ASTN2: variants seen among roughly 807,000 people sequenced by gnomAD.
ASTN2 encodes astrotactin-2.
A neutral mutation model predicts 139.8 loss-of-function variants in ASTN2; 54 were observed. The ratio of observed to expected loss-of-function variants is 0.39; its 90% CI spans 0.31 to 0.48. ASTN2 has a LOEUF of 0.48. Ranked by LOEUF, ASTN2 falls within the 20% of genes least tolerant of loss-of-function variation. The pLI is 0.95. For missense variants in ASTN2, 1,565 were observed against 1,725.1 expected (o/e 0.91, Z 1.64); for synonymous variants, 756 against 719.5 (o/e 1.05, Z -0.81).
chr9:116,562,175 T>A (rs780891193), intron 19 of ASTN2: 1 of 152,216 alleles, frequency 6.6e-6, no homozygotes, highest in Non-Finnish European at 1.5e-5. Context: ...AGAAAAAGCA[T>A]CATAGTCAAG....
intron 19 of ASTN2, among the ~76,000 whole-genome samples, chr9:116,578,185 G>T (rs1853800158): frequency 6.6e-6 from 1 of 152,088 alleles, no homozygotes; most frequent in Non-Finnish European, 1.5e-5. Flanking sequence ...ATGAGGACAG[G>T]GGCTCAGGCT....
intron 4 of ASTN2, among the ~76,000 whole-genome samples, chr9:117,109,209 G>C (rs893379972): frequency 7.9e-5 from 12 of 152,018 alleles, no homozygotes; most frequent in Non-Finnish European, 1.8e-4. Context: ...TTGAACCTGG[G>C]AGGCAGAGGT....
At chr9:116,916,702 T>C (rs1834457952) in intron 10 of ASTN2, among the ~76,000 whole-genome samples, 1 of 152,140 alleles carries the variant, frequency 6.6e-6, no homozygotes, top group Non-Finnish European at 1.5e-5. Context: ...TAACTAGGTG[T>C]GGTGGTGTGT....
intron 19 of ASTN2, among the ~76,000 whole-genome samples, chr9:116,557,359 T>G (rs996245550): frequency 6.6e-6 from 1 of 152,096 alleles, no homozygotes; most frequent in Non-Finnish European, 1.5e-5. Context: ...TTTTTCTATA[T>G]CTCAGTCTCT....
At chr9:116,446,255 G>GGAGAGAGAGAGATAGAGA (rs1847986218) in intron 20 of ASTN2, among the ~76,000 whole-genome samples, 2 of 114,022 alleles carry the variant, frequency 1.8e-5, no homozygotes, top group South Asian at 6.9e-4. Context: ...GAGGGGAGAG[G>GGAGAGAGAGAGATAGAGA]GAGAGAGAGA....
chr9:117,140,626 G>A (rs1171011302), intron 4 of ASTN2, among the ~76,000 whole-genome samples: 2 of 151,462 alleles, frequency 1.3e-5, no homozygotes, highest in East Asian at 3.9e-4. Flanking sequence ...AGAGGAGGAG[G>A]AGGAAGAGGA....
chr9:117,109,487 A>G (rs1294318645), intron 4 of ASTN2, among the ~76,000 whole-genome samples: 1 of 152,092 alleles, frequency 6.6e-6, no homozygotes, highest in African/African-American at 2.4e-5. Flanking sequence ...TAGCCCCTGG[A>G]AGTAATTTGA....
At chr9:116,832,550 G>T (rs549970714) in intron 11 of ASTN2, among the ~76,000 whole-genome samples, 77 of 149,658 alleles carry the variant, frequency 5.1e-4, no homozygotes, top group Non-Finnish European at 8.8e-4. Flanking sequence ...TTTTTTTTTT[G>T]AAAGTTTTAA....
chr9:116,639,442 CTTT>C (rs569843401), intron 17 of ASTN2, among the ~76,000 whole-genome samples: 4 of 151,650 alleles, frequency 2.6e-5, no homozygotes, highest in African/African-American at 9.7e-5. Flanking sequence ...TCTGGAATGA[CTTT>C]TTTTTTCTTC....
chr9:116,433,176 C>G (rs777450713), intron 22 of ASTN2, among the ~76,000 whole-genome samples: 7 of 152,112 alleles, frequency 4.6e-5, no homozygotes, highest in Admixed American at 1.3e-4. Context: ...TGTAAGAAAT[C>G]TAGTTGGTTT....
At chr9:116,642,600 G>C (rs1049774953) in intron 17 of ASTN2, among the ~76,000 whole-genome samples, 6 of 152,082 alleles carry the variant, frequency 3.9e-5, no homozygotes, top group Admixed American at 1.3e-4. Context: ...TTTGAGTCAA[G>C]AATATGGATC....
chr9:117,207,213 T>C (rs1831956376), intron 3 of ASTN2, among the ~76,000 whole-genome samples: 1 of 151,924 alleles, frequency 6.6e-6, no homozygotes, highest in South Asian at 2.1e-4. Flanking sequence ...TGGGCAGATA[T>C]GCCCACAGGT....
chr9:116,962,133 C>A (rs1835891275), intron 10 of ASTN2, among the ~76,000 whole-genome samples: 1 of 152,232 alleles, frequency 6.6e-6, no homozygotes, highest in Non-Finnish European at 1.5e-5. Context: ...GTTGCTTCTT[C>A]TTCACTACTC....
At chr9:117,236,864 C>T (rs1375960262) in intron 2 of ASTN2, among the ~76,000 whole-genome samples, 1 of 152,312 alleles carries the variant, frequency 6.6e-6, no homozygotes, top group East Asian at 1.9e-4. Flanking sequence ...TAGCGTCTAA[C>T]ACCTAGTAAA....
intron 3 of ASTN2, among the ~76,000 whole-genome samples, chr9:117,196,043 G>C (rs891282769): frequency 5.3e-5 from 8 of 152,100 alleles, no homozygotes; most frequent in Admixed American, 4.6e-4. Flanking sequence ...AGAGCTCATT[G>C]CCGTCCCAAG....
chr9:116,478,932 C>T (rs1849078634), intron 20 of ASTN2, among the ~76,000 whole-genome samples: 1 of 131,078 alleles, frequency 7.6e-6, no homozygotes, highest in Non-Finnish European at 1.5e-5. Flanking sequence ...GCAGAGGTTG[C>T]AGTGAGCTGA....
At chr9:117,186,329 G>A (rs1055345369) in intron 3 of ASTN2, among the ~76,000 whole-genome samples, 3 of 152,070 alleles carry the variant, frequency 2.0e-5, no homozygotes, top group Non-Finnish European at 4.4e-5. Context: ...GGCAGATCAC[G>A]AGGTCAGGAG....
At chr9:117,332,506 C>A (rs551184233) in intron 1 of ASTN2, among the ~76,000 whole-genome samples, 2 of 152,278 alleles carry the variant, frequency 1.3e-5, no homozygotes, top group Admixed American at 6.5e-5. Flanking sequence ...GCAGAGTTTG[C>A]AGTGAACCAA....
At chr9:116,587,601 A>G (rs1211816412) in intron 19 of ASTN2, among the ~76,000 whole-genome samples, 1 of 152,078 alleles carries the variant, frequency 6.6e-6, no homozygotes, top group Admixed American at 6.5e-5. Context: ...ACTTGCTGTG[A>G]TTACTCCAAA....
Sources: gnomAD v4.1 joint callset for allele counts (sites outside exome capture counted in the v4.1 genomes callset) on GRCh38, gnomAD v4.1.1 for gene constraint, MANE v1.5 for transcripts, NCBI Gene and HGNC (gene_info 2026-07-23, HGNC 2026-07-21) for gene names.